Variants in SRSF4 observed in about 807,000 individuals in gnomAD.
SRSF4 encodes serine/arginine-rich splicing factor 4.
In SRSF4, 12 loss-of-function variants were observed where a neutral mutation model predicts 48.8. The ratio of observed to expected loss-of-function variants is 0.25; its 90% CI spans 0.16 to 0.40. The LOEUF is 0.40. Among genes scored for constraint, SRSF4 ranks in the 10% least tolerant of loss-of-function variants. The pLI, the probability that SRSF4 is intolerant of heterozygous loss-of-function variation, is 1.00. For synonymous variants in SRSF4, 248 were observed against 232.5 expected (o/e 1.07, Z -0.61); for missense variants, 466 against 667.1 (o/e 0.70, Z 3.32).
chr1:29,159,711 G>T, intron 2 of SRSF4: 1 of 333,098 alleles, frequency 3.0e-6, no homozygotes, highest in Non-Finnish European at 5.4e-6. Flanking sequence ...ATTAATATTT[G>T]CATTTAAGAT....
chr1:29,160,804 A>G (rs367964081), intron 1 of SRSF4, among the ~76,000 whole-genome samples: 1 of 152,220 alleles, frequency 6.6e-6, no homozygotes, highest in Non-Finnish European at 1.5e-5. Context: ...AACTGCAAAG[A>G]CAGGGATGCT....
At chr1:29,181,553 C>T (rs1672958058) in intron 1 of SRSF4, 93 bp downstream of exon 1, 14 of 1,144,092 alleles carry the variant, frequency 1.2e-5, no homozygotes, top group Middle Eastern at 2.1e-4. Flanking sequence ...AGCCGCTCCG[C>T]GCGGACCAGG....
intron 1 of SRSF4, among the ~76,000 whole-genome samples, chr1:29,177,442 C>G (rs1335835665): frequency 1.3e-5 from 2 of 152,040 alleles, no homozygotes; most frequent in Non-Finnish European, 1.5e-5. Context: ...CCACGACGCC[C>G]GGCTAACTTT....
chr1:29,177,410 T>G (rs534901456), intron 1 of SRSF4, among the ~76,000 whole-genome samples: 1 of 151,912 alleles, frequency 6.6e-6, no homozygotes, highest in African/African-American at 2.4e-5. Flanking sequence ...GCCTCCCGAG[T>G]AGCCAGGATT....
At chr1:29,160,719 T>A (rs539011370) in intron 1 of SRSF4, among the ~76,000 whole-genome samples, 1 of 152,234 alleles carries the variant, frequency 6.6e-6, no homozygotes, top group Non-Finnish European at 1.5e-5. Context: ...CTTCTCAAAG[T>A]AGACTCCTAT....
chr1:29,177,287 T>G (rs907223254), intron 1 of SRSF4, among the ~76,000 whole-genome samples: 2 of 151,600 alleles, frequency 1.3e-5, no homozygotes, highest in African/African-American at 2.4e-5. Flanking sequence ...CTTTTTGTTT[T>G]TTTTTTTTTT....
chr1:29,174,675 GTTTT>G (rs35283951), intron 1 of SRSF4, among the ~76,000 whole-genome samples: 48 of 130,692 alleles, frequency 3.7e-4, no homozygotes, highest in Non-Finnish European at 6.0e-4. Flanking sequence ...CAGGAGATAG[GTTTT>G]TTTTTTTTTT....
intron 4 of SRSF4, among the ~76,000 whole-genome samples, chr1:29,153,587 G>C (rs966412883): frequency 1.3e-5 from 2 of 151,656 alleles, no homozygotes; most frequent in Non-Finnish European, 2.9e-5. Flanking sequence ...GTGAAAGGTG[G>C]CCTCTGATTT....
intron 4 of SRSF4, among the ~76,000 whole-genome samples, chr1:29,151,243 C>A (rs1672403835): frequency 6.6e-6 from 1 of 152,160 alleles, no homozygotes; most frequent in Admixed American, 6.5e-5. Flanking sequence ...CCTCTCCAGA[C>A]CTAACTTCCA....
At chr1:29,171,783 G>A (rs1235361598) in intron 1 of SRSF4, 1 of 152,106 alleles carries the variant, frequency 6.6e-6, no homozygotes, top group Non-Finnish European at 1.5e-5. Context: ...TCTATATCCT[G>A]TGCCTATCTT....
At chr1:29,177,893 ATTTT>A (rs397979781) in intron 1 of SRSF4, among the ~76,000 whole-genome samples, 47 of 93,620 alleles carry the variant, frequency 5.0e-4, no homozygotes, top group Non-Finnish European at 7.1e-4. Context: ...ATTACACAAG[ATTTT>A]TTTTTTTTTT....
chr1:29,161,724 G>A (rs1204139723), intron 1 of SRSF4, among the ~76,000 whole-genome samples: 4 of 152,122 alleles, frequency 2.6e-5, no homozygotes, highest in Non-Finnish European at 4.4e-5. Flanking sequence ...TCAGCCTCCC[G>A]AGTAGCTGGG....
chr1:29,158,156 G>C (rs1221060107), intron 3 of SRSF4, among the ~76,000 whole-genome samples: 1 of 150,216 alleles, frequency 6.7e-6, no homozygotes, highest in Admixed American at 6.6e-5. Context: ...GCGAAAGGGC[G>C]AGACTCCATC....
At chr1:29,154,324 A>C (rs1351716605) in intron 4 of SRSF4, among the ~76,000 whole-genome samples, 1 of 152,230 alleles carries the variant, frequency 6.6e-6, no homozygotes, top group African/African-American at 2.4e-5. Context: ...TCGGCCTCCC[A>C]AAGTGCTGGG....
intron 3 of SRSF4, among the ~76,000 whole-genome samples, chr1:29,156,297 T>C (rs1308344044): frequency 6.7e-6 from 1 of 149,920 alleles, no homozygotes; most frequent in Non-Finnish European, 1.5e-5. Context: ...GAAGTTGCAG[T>C]GAGCGAGATT....
intron 1 of SRSF4, among the ~76,000 whole-genome samples, chr1:29,177,526 C>T (rs1430485005): frequency 6.6e-6 from 1 of 152,160 alleles, no homozygotes; most frequent in African/African-American, 2.4e-5. Context: ...GGGTGATCTG[C>T]CTGCCTTGGC....
chr1:29,151,094 C>T (rs762293321), intron 4 of SRSF4, among the ~76,000 whole-genome samples: 3 of 152,084 alleles, frequency 2.0e-5, no homozygotes, highest in Non-Finnish European at 4.4e-5. Flanking sequence ...TGACTCCAGG[C>T]GTAAAGCAGG....
At chr1:29,169,073 TA>T (rs895518702) in intron 1 of SRSF4, 1 of 152,272 alleles carries the variant, frequency 6.6e-6, no homozygotes, top group Admixed American at 6.5e-5. Context: ...CATTTCTTTG[TA>T]ATAATTACTA....
intron 1 of SRSF4, among the ~76,000 whole-genome samples, chr1:29,174,235 A>T (rs938756316): frequency 2.0e-5 from 3 of 152,104 alleles, no homozygotes; most frequent in Non-Finnish European, 4.4e-5. Context: ...AGGAGCTCTT[A>T]AACACCGCAG....
Sources: allele counts gnomAD v4.1 joint callset (sites outside exome capture counted in the v4.1 genomes callset), GRCh38; gene constraint gnomAD v4.1.1; transcripts MANE v1.5; gene names NCBI Gene and HGNC (gene_info 2026-07-23, HGNC 2026-07-21).